COL28A1: variants seen among roughly 807,000 people sequenced by gnomAD.
COL28A1 encodes the protein collagen alpha-1(XXVIII) chain.
A neutral mutation model predicts 150.2 loss-of-function variants in COL28A1; 161 were observed. The ratio of observed to expected loss-of-function variants is 1.07; its 90% CI spans 0.94 to 1.22. The LOEUF is 1.22. COL28A1 is among the 50% of genes most tolerant of loss of function. COL28A1 has a pLI of 0.00. For synonymous variants in COL28A1, 552 were observed against 469.7 expected, an observed-to-expected ratio of 1.18 and a Z score of -2.26; for missense variants, 1,617 against 1,388.3, an observed-to-expected ratio of 1.16 and a Z score of -2.62.
Position 7,419,934 on chromosome 7 carries a change from C to T in COL28A1, c.2018G>A (p.Gly673Asp). The part of the protein sequence containing the change: ...TGAKGEPGVR[G>D]PPGPSGPRGV... Reference sequence around the variant, plus strand: ...CCGAGGCCCAGAAGGACCTGGAGGGCCTCTGACCCCAGGCTCTCCCTGAAA... The same window carrying T: ...CCGAGGCCCAGAAGGACCTGGAGGGTCTCTGACCCCAGGCTCTCCCTGAAA... The change falls in exon 26 of 35, where the codon GGC (glycine) becomes GAC (aspartate). Residue 673 changes from glycine to aspartate, a missense_variant. Coordinates refer to ENST00000399429, the MANE Select transcript of COL28A1 (RefSeq NM_001037763.3). The T allele has an allele frequency of 6.3e-7, 1 of 1,599,280 alleles. No homozygotes were observed. Among genetic ancestry groups the T allele is most frequent in the East Asian group, 2.3e-5 (1 of 44,304 alleles).
chr7:7,507,057 G>A (rs2115122704), intron 10 of COL28A1, 60 bp downstream of exon 10: 1 of 832,650 alleles, frequency 1.2e-6, no homozygotes, highest in Non-Finnish European at 2.1e-6. Context: ...GCAAGGGGAT[G>A]GTTTAAAAAC....
chr7:7,460,929 C>G (rs1301338367), intron 15 of COL28A1, among the ~76,000 whole-genome samples: 1 of 152,116 alleles, frequency 6.6e-6, no homozygotes, highest in East Asian at 1.9e-4. Flanking sequence ...GCAGCTCCCA[C>G]TCGGATGGAA....
intron 9 of COL28A1, among the ~76,000 whole-genome samples, chr7:7,509,750 C>G (rs1781020659): frequency 6.6e-6 from 1 of 152,078 alleles, no homozygotes; most frequent in Admixed American, 6.6e-5. Flanking sequence ...TTAATTTCAT[C>G]TAGTTTTCCC....
At position 7,427,173 on chromosome 7, in the gene COL28A1, G is replaced by T. The variant is rs1321817429; in HGVS notation, c.1998+5300C>A. Among the ~76,000 whole-genome samples, 3 of 152,198 alleles carry T rather than the reference G, an allele frequency of 2.0e-5. No individual in the cohort carries two copies. In the East Asian group the frequency reaches 5.8e-4, roughly 29 times the overall value. On this transcript the variant is annotated intron_variant, in intron 25 of 34. Coordinates refer to ENST00000399429, the MANE Select transcript of COL28A1 (RefSeq NM_001037763.3). ...CTACTAGAGTGCAGCTCAGATTTTA[G>T]AGATCAGGCATATAACTGCATTGGG...
At position 7,395,812 on chromosome 7, in the gene COL28A1, A is replaced by G. The variant is rs147918982; in HGVS notation, c.2137-14200T>C. Among the ~76,000 whole-genome samples the G allele has an allele frequency of 9.8e-5, 15 of 152,296 alleles. No homozygotes were observed. The East Asian group carries it at 2.5e-3, about 25-fold the overall frequency. On this transcript the variant is annotated intron_variant, in intron 27 of 34. Transcript: ENST00000399429. The stretch of plus-strand genomic sequence containing the variant: ...AAATAATTTTACCATTCTTTCCTCT[A>G]CTTCTCTTCTAGTTTGCCTGTCCTC...
At chr7:7,448,086 A>G (rs1368725628) in intron 18 of COL28A1, among the ~76,000 whole-genome samples, 1 of 152,188 alleles carries the variant, frequency 6.6e-6, no homozygotes, top group Non-Finnish European at 1.5e-5. Context: ...AAATCCAAAG[A>G]TAAGTAACAC....
chr7:7,407,071 T>C (rs1783530052), intron 27 of COL28A1, among the ~76,000 whole-genome samples: 1 of 151,952 alleles, frequency 6.6e-6, no homozygotes, highest in South Asian at 2.1e-4. Flanking sequence ...ACAGATTTGA[T>C]ACAGCTGAAG....
intron 6 of COL28A1, among the ~76,000 whole-genome samples, chr7:7,518,313 A>G (rs1418522091): frequency 5.3e-5 from 8 of 152,132 alleles, no homozygotes; most frequent in Admixed American, 5.2e-4. Flanking sequence ...ATTTAACACA[A>G]AAAAAAGAAG....
At chr7:7,445,866 T>G (rs1426150127) in intron 18 of COL28A1, among the ~76,000 whole-genome samples, 1 of 151,268 alleles carries the variant, frequency 6.6e-6, no homozygotes, top group Non-Finnish European at 1.5e-5. Flanking sequence ...TTAATGCCTT[T>G]TTTTTTTTTT....
chr7:7,478,123 C>T lies in COL28A1; in HGVS notation c.1165-943G>A, dbSNP rs539947894. On this transcript the variant is annotated intron_variant, in intron 13 of 34. Coordinates refer to ENST00000399429, the MANE Select transcript of COL28A1 (RefSeq NM_001037763.3). Reference sequence around the variant, plus strand: ...AATCCCTTAGCTAGACATAAAGATTCTCCAAGTCTCCACCACATTAACTAG... The same window carrying T: ...AATCCCTTAGCTAGACATAAAGATTTTCCAAGTCTCCACCACATTAACTAG... Among the ~76,000 whole-genome samples, 6 of 151,932 alleles carry T rather than the reference C, an allele frequency of 3.9e-5. No homozygotes were observed. The South Asian group carries it at 1.0e-3, about 26-fold the overall frequency.
intron 5 of COL28A1, 73 bp from the exon 6 acceptor site, chr7:7,520,188 A>T (rs1003483444): frequency 2.6e-5 from 20 of 757,478 alleles, no homozygotes; most frequent in African/African-American, 3.6e-5. Context: ...ATAATTTCTG[A>T]TCAGTTTTGT....
chr7:7,353,746 T>C (rs946394963), downstream of COL28A1, among the ~76,000 whole-genome samples: 3 of 152,154 alleles, frequency 2.0e-5, no homozygotes, highest in African/African-American at 7.2e-5. Context: ...CATGCTTCCA[T>C]ATCAGTTTTC....
chr7:7,531,431 G>C lies in COL28A1; in HGVS notation c.598C>G (p.Arg200Gly), dbSNP rs141928495. The C allele has an allele frequency of 1.3e-6, 2 of 1,598,496 alleles. No homozygotes were observed. The highest frequency in any genetic ancestry group is 3.4e-5 in the Admixed American group (2 of 59,678). The change falls in exon 3 of 35, where the codon CGT becomes GGT. Residue 200 changes from arginine (R) to glycine (G), a missense_variant. Arg to Gly is a moderately radical substitution (Grantham distance 125). Transcript: ENST00000399429. The part of the protein sequence containing the change: ...LSTVVNEAKL[R>G]LISGDSSSEP... ...CTGGATGAATCCCCAGAAATCAAAC[G>C]AAGTTTGGCTTCATTGACTACCGTA...
intron 27 of COL28A1, among the ~76,000 whole-genome samples, chr7:7,386,920 A>T (rs1782219637): frequency 6.6e-6 from 1 of 152,190 alleles, no homozygotes; most frequent in South Asian, 2.1e-4. Context: ...TGGCAAATTC[A>T]GTGTCTGGTG....
intron 31 of COL28A1, among the ~76,000 whole-genome samples, chr7:7,374,031 A>AC (rs1562489897): frequency 1.9e-4 from 15 of 77,964 alleles, no homozygotes; most frequent in Non-Finnish European, 3.8e-4. Context: ...TCTTAAAAAA[A>AC]AAAAAAAATA....
chr7:7,531,876 G>A lies in COL28A1; in HGVS notation c.153C>T (p.Phe51=). Residue 51 remains phenylalanine (F), a synonymous_variant, in exon 3 of 35, where the codon TTC becomes TTT. Transcript: ENST00000399429. ...TAGAACTTTCAGAGCTGTCCACGAT[G>A]AAGACAATATCTATGAAACAAATGG... ...QGSICFIDIV[F]IVDSSESSKI... is the part of the protein sequence containing the mutation. The A allele has an allele frequency of 1.2e-6, 2 of 1,607,196 alleles. No homozygotes were observed. Among genetic ancestry groups the A allele is most frequent in the East Asian group, 2.2e-5 (1 of 44,850 alleles).
intron 27 of COL28A1, among the ~76,000 whole-genome samples, chr7:7,392,685 T>C (rs1364844487): frequency 6.6e-6 from 1 of 152,258 alleles, no homozygotes; most frequent in Non-Finnish European, 1.5e-5. Flanking sequence ...TTTCATTCTT[T>C]TTTCTCTAAT....
chr7:7,464,877 A>T (rs531789317), intron 15 of COL28A1, among the ~76,000 whole-genome samples: 4 of 152,322 alleles, frequency 2.6e-5, no homozygotes, highest in African/African-American at 9.6e-5. Context: ...GAAAAGATAA[A>T]TTGATAGACC....
intron 27 of COL28A1, among the ~76,000 whole-genome samples, chr7:7,405,447 A>C (rs1039293916): frequency 1.3e-5 from 2 of 152,206 alleles, no homozygotes; most frequent in African/African-American, 4.8e-5. Context: ...ATTTTTCAAA[A>C]CCAACAGAAG....
Sources: allele counts gnomAD v4.1 joint callset (sites outside exome capture counted in the v4.1 genomes callset), GRCh38; gene constraint gnomAD v4.1.1; transcripts MANE v1.5; gene names NCBI Gene and HGNC (gene_info 2026-07-23, HGNC 2026-07-21).